Variants in DOCK10 observed in about 807,000 individuals in gnomAD.
DOCK10 encodes the protein dedicator of cytokinesis 10.
Under a neutral mutation model 280.1 loss-of-function variants are expected in DOCK10, and 145 were observed. The observed-to-expected ratio is 0.52, with a 90% CI of 0.45 to 0.59. The LOEUF (loss-of-function observed/expected upper bound fraction) is 0.59, where lower values mean the gene tolerates loss of function less well. DOCK10 is among the 20% of genes least tolerant of loss of function. The pLI, the probability that DOCK10 is intolerant of heterozygous loss-of-function variation, is 0.00. For missense variants in DOCK10, 2,368 were observed against 2,651.7 expected (o/e 0.89, Z 2.35); for synonymous variants, 915 against 942.2 (o/e 0.97, Z 0.53).
At chr2:224,795,210 T>C in intron 44 of DOCK10, 116 bp from the exon 45 acceptor site, 1 of 866,252 alleles carries the variant, frequency 1.2e-6, no homozygotes. Context: ...CTATATATAG[T>C]TATAAATGAG....
At chr2:224,807,859 G>A (rs1289046395) in intron 32 of DOCK10, 52 bp downstream of exon 32, 2 of 1,585,352 alleles carry the variant, frequency 1.3e-6, no homozygotes, top group East Asian at 2.3e-5. Flanking sequence ...TGCATTTAAT[G>A]CAGTGAGCCA....
intron 11 of DOCK10, among the ~76,000 whole-genome samples, chr2:224,865,525 T>G (rs1697848486): frequency 6.6e-6 from 1 of 152,172 alleles, no homozygotes; most frequent in Admixed American, 6.5e-5. Context: ...TAACAGTTAT[T>G]GAGCATTTAT....
At chr2:224,837,600 G>A in intron 25 of DOCK10, 162 bp downstream of exon 25, 2 of 606,636 alleles carry the variant, frequency 3.3e-6, no homozygotes, top group Non-Finnish European at 3.0e-6. Context: ...GCCCATTAAT[G>A]CAAAGAGATG....
intron 11 of DOCK10, among the ~76,000 whole-genome samples, chr2:224,865,450 T>C (rs1341361450): frequency 6.6e-6 from 1 of 152,238 alleles, no homozygotes; most frequent in East Asian, 1.9e-4. Context: ...GCACTGTGGT[T>C]GAACTTCACT....
intron 4 of DOCK10, 104 bp from the exon 5 acceptor site, chr2:224,886,635 C>T: frequency 2.4e-6 from 2 of 848,928 alleles, no homozygotes; most frequent in Non-Finnish European, 3.6e-6. Context: ...GGTGTTCTTA[C>T]AAATTTCTGT....
At chr2:224,794,118 C>G (rs1339010801) in intron 45 of DOCK10, among the ~76,000 whole-genome samples, 1 of 152,180 alleles carries the variant, frequency 6.6e-6, no homozygotes, top group African/African-American at 2.4e-5. Context: ...CAGAGCAGCC[C>G]AAGGGCTTCT....
chr2:224,982,620 T>G (rs183921384), intron 1 of DOCK10: 1 of 648,266 alleles, frequency 1.5e-6, no homozygotes, highest in Admixed American at 6.3e-5. Context: ...TCAATTCACA[T>G]CGAGAGCATG....
At chr2:224,938,067 T>C (rs1408585806) in intron 1 of DOCK10, among the ~76,000 whole-genome samples, 2 of 152,332 alleles carry the variant, frequency 1.3e-5, no homozygotes, top group South Asian at 2.1e-4. Context: ...TTATTCACCA[T>C]TGGGGTTGCT....
chr2:224,945,925 C>T (rs540547268), intron 1 of DOCK10, among the ~76,000 whole-genome samples: 2 of 152,134 alleles, frequency 1.3e-5, no homozygotes, highest in South Asian at 4.1e-4. Context: ...TACAGGATAG[C>T]CCCCCACAGA....
intron 49 of DOCK10, 43 bp downstream of exon 49, chr2:224,787,232 C>G: frequency 6.2e-6 from 10 of 1,612,714 alleles, no homozygotes; most frequent in Non-Finnish European, 8.5e-6. Flanking sequence ...TCCAATTCAA[C>G]ATAGGATATT....
chr2:224,854,874 AC>A, intron 16 of DOCK10, 88 bp downstream of exon 16: 1 of 994,080 alleles, frequency 1.0e-6, no homozygotes. Flanking sequence ...CAACCAACCA[AC>A]CAACCAACCA....
chr2:224,912,703 G>A (rs1575046123), intron 3 of DOCK10, among the ~76,000 whole-genome samples: 1 of 152,082 alleles, frequency 6.6e-6, no homozygotes, highest in Admixed American at 6.6e-5. Context: ...CTACAATTCT[G>A]TGACTTGCTT....
chr2:224,775,258 C>T (rs1690756188), intron 51 of DOCK10, 143 bp from the exon 52 acceptor site: 1 of 744,562 alleles, frequency 1.3e-6, no homozygotes, highest in Non-Finnish European at 2.3e-6. Context: ...CATTTCAGAG[C>T]TGGGCAGGAT....
intron 2 of DOCK10, among the ~76,000 whole-genome samples, chr2:224,920,225 G>A (rs1396652642): frequency 7.4e-6 from 1 of 135,438 alleles, no homozygotes; most frequent in African/African-American, 2.9e-5. Flanking sequence ...ACTATGCCTG[G>A]CTAATTTTCA....
At chr2:224,960,730 CTTTTTT>C (rs71281764) in intron 1 of DOCK10, among the ~76,000 whole-genome samples, 611 of 70,194 alleles carry the variant, frequency 8.7e-3, no homozygotes, top group South Asian at 0.015. Flanking sequence ...TCACCAAATT[CTTTTTT>C]TTTTTTTTTT....
At chr2:224,849,658 A>T (rs1696598407) in intron 18 of DOCK10, 59 bp from the exon 19 acceptor site, 1 of 1,259,768 alleles carries the variant, frequency 7.9e-7, no homozygotes. Flanking sequence ...CCTGGGTGAA[A>T]AAAAAGTCCA....
In DOCK10 at chr2:224,770,250, C is replaced by T. The variant is rs1690346801; in HGVS notation, c.6405G>A (p.Lys2135=). 6.2e-7 allele frequency: 1 copy of T among 1,603,956 alleles called. No homozygotes were observed. Among genetic ancestry groups the T allele is most frequent in the Non-Finnish European group, 8.5e-7 (1 of 1,175,226 alleles). The change falls in exon 55 of 56, where the codon AAG becomes AAA. Residue 2135 remains lysine (K), a synonymous_variant. Transcript: ENST00000258390. The surrounding 1 kb of genome is among the most constrained non-coding windows in gnomAD (Gnocchi z 4.5). The part of the protein sequence containing the change: ...EYQEELRSHY[K]DMLSELSTVM... Reference sequence around the variant, plus strand: ...CTGTGGAGAGTTCGCTGAGCATGTCCTTGTAGTGGGACCTCAGTTCTTCCT... The same window carrying T: ...CTGTGGAGAGTTCGCTGAGCATGTCTTTGTAGTGGGACCTCAGTTCTTCCT...
At chr2:224,890,994 G>C (rs976977781) in intron 4 of DOCK10, among the ~76,000 whole-genome samples, 8 of 152,160 alleles carry the variant, frequency 5.3e-5, no homozygotes. Flanking sequence ...AGTCTAGAGA[G>C]GCAGTGTGTC....
At chr2:224,766,109 T>C (rs2124906832) in intron 55 of DOCK10, among the ~76,000 whole-genome samples, 1 of 152,328 alleles carries the variant, frequency 6.6e-6, no homozygotes, top group South Asian at 2.1e-4. Flanking sequence ...CAAATATATC[T>C]GAGTAATTCC....
Sources: allele counts gnomAD v4.1 joint callset (sites outside exome capture counted in the v4.1 genomes callset), GRCh38; gene constraint gnomAD v4.1.1; non-coding constraint Gnocchi (gnomAD v3.1); transcripts MANE v1.5; gene names NCBI Gene and HGNC (gene_info 2026-07-23, HGNC 2026-07-21).